Variants in DCC observed in about 807,000 individuals in gnomAD.
DCC encodes DCC netrin 1 receptor, also known as netrin receptor DCC.
DCC carries 58 observed loss-of-function variants against 172.5 expected under a neutral mutation model. The observed-to-expected ratio is 0.34, with a 90% CI of 0.27 to 0.42. The LOEUF is 0.42. Among genes scored for constraint, DCC ranks in the 10% least tolerant of loss-of-function variants. The probability of loss-of-function intolerance (pLI) is 1.00; values close to 1 mark genes in which losing one functional copy is unlikely to be tolerated. For missense variants in DCC, 1,740 were observed against 1,791.0 expected, an observed-to-expected ratio of 0.97 and a Z score of 0.51; for synonymous variants, 709 against 644.5, an observed-to-expected ratio of 1.10 and a Z score of -1.52.
rs1220770558 is a variant in DCC at position 53,099,952 on chromosome 18, TTTTTTTTTG to T, written c.1261+33790_1261+33798del. ...TTTCTTTTCTTTCTTTCTTTTTTTTTTTTTTTTTGTTTGAGACAGAGTCTTGCTTTGTTG... is the reference window on the plus strand; with the variant it reads ...TTTCTTTTCTTTCTTTCTTTTTTTTTTTTGAGACAGAGTCTTGCTTTGTTG... On this transcript the variant is annotated intron_variant, in intron 7 of 28. Transcript: ENST00000442544. 1.2e-4 allele frequency among the ~76,000 whole-genome samples: 15 copies of T among 129,520 alleles called. 1 individual carries two copies. The highest frequency in any genetic ancestry group is 4.6e-4 in the African/African-American group (14 of 30,658). The allele number at this position is 129,520 out of a possible 152,430, so 85.0% of individuals were successfully genotyped here. A position where few individuals can be genotyped will look rare whatever the true frequency, so the allele number is the denominator to read the frequency against.
intron 1 of DCC, among the ~76,000 whole-genome samples, chr18:52,485,930 G>T (rs960878353): frequency 2.6e-5 from 4 of 151,846 alleles, no homozygotes; most frequent in Non-Finnish European, 5.9e-5. Flanking sequence ...GATAAAAAAA[G>T]CATGCAGAAA....
chr18:53,318,820 C>T (rs891744096), intron 13 of DCC, among the ~76,000 whole-genome samples: 9 of 149,098 alleles, frequency 6.0e-5, no homozygotes, highest in Non-Finnish European at 1.2e-4. Context: ...TCAGATTCAC[C>T]AAGGTTAAAA....
rs372720186 is a variant in DCC at position 52,413,818 on chromosome 18, G to A, written c.91+72940G>A. Among the ~76,000 whole-genome samples, 49 of 151,988 alleles carry A rather than the reference G, an allele frequency of 3.2e-4. No homozygotes were observed. In the East Asian group the frequency reaches 6.0e-3, roughly 19 times the overall value. Reference sequence around the variant, plus strand: ...TCTGAGAGAAATGTTTGTGAGTTTCGGTGTCTTTTCTCTTTAGAAAAATAC... The same window carrying A: ...TCTGAGAGAAATGTTTGTGAGTTTCAGTGTCTTTTCTCTTTAGAAAAATAC... On this transcript the variant is annotated intron_variant, in intron 1 of 28. Transcript: ENST00000442544.
At position 53,499,339 on chromosome 18, in the gene DCC, C is replaced by T. The variant is rs2046067145; in HGVS notation, c.3940C>T (p.Pro1314Ser). ...GPTTQQPPML[P>S]PSQPEHSSSE... ...AACTACCCAACAACCACCTATGCTG[C>T]CCCCATCTCAGCCTGAGCATTCTAG... The change falls in exon 27 of 29, where the codon CCC becomes TCC. Residue 1314 changes from proline (P) to serine (S), a missense_variant. Physicochemically the swap from Pro to Ser is moderately conservative, Grantham distance 74 (BLOSUM62 -1). This residue lies in a region of DCC where 1,732 missense variants were observed against 1,767.4 expected (regional missense o/e 0.98). Coordinates refer to ENST00000442544, the MANE Select transcript of DCC (RefSeq NM_005215.4). The T allele has an allele frequency of 6.2e-7, 1 of 1,614,050 alleles. No homozygotes were observed. The highest frequency in any genetic ancestry group is 8.5e-7 in the Non-Finnish European group (1 of 1,180,008).
chr18:53,297,582 C>T (rs573177173), intron 12 of DCC, among the ~76,000 whole-genome samples: 5 of 152,200 alleles, frequency 3.3e-5, no homozygotes, highest in Admixed American at 3.3e-4. Flanking sequence ...AAAATCATTG[C>T]CAGGGTTGCC....
chr18:52,658,905 A>G (rs908617169), intron 1 of DCC, among the ~76,000 whole-genome samples: 1 of 149,674 alleles, frequency 6.7e-6, no homozygotes, highest in South Asian at 2.1e-4. Flanking sequence ...CTTTGATCCC[A>G]ATGGAAGTTA....
At chr18:53,192,151 C>T (rs1169211299) in intron 9 of DCC, among the ~76,000 whole-genome samples, 2 of 152,158 alleles carry the variant, frequency 1.3e-5, no homozygotes, top group African/African-American at 2.4e-5. Flanking sequence ...GTTTTCTGCC[C>T]TGTGTGATTA....
intron 1 of DCC, among the ~76,000 whole-genome samples, chr18:52,568,123 A>G (rs2033205487): frequency 6.6e-6 from 1 of 152,188 alleles, no homozygotes; most frequent in Non-Finnish European, 1.5e-5. Flanking sequence ...GTCTCACTGT[A>G]TAGTTTTTCT....
At chr18:52,697,993 T>C (rs2036041603) in intron 1 of DCC, among the ~76,000 whole-genome samples, 1 of 152,224 alleles carries the variant, frequency 6.6e-6, no homozygotes, top group African/African-American at 2.4e-5. Context: ...TACTCAGCTC[T>C]GTGAAACTGA....
At chr18:53,407,192 T>G (rs1251072242) in intron 19 of DCC, among the ~76,000 whole-genome samples, 7 of 152,078 alleles carry the variant, frequency 4.6e-5, no homozygotes, top group Non-Finnish European at 4.4e-5. Flanking sequence ...GGGGGCAAAA[T>G]TCTCCAATTT....
At chr18:52,840,758 A>G (rs1343331550) in intron 2 of DCC, among the ~76,000 whole-genome samples, 1 of 152,204 alleles carries the variant, frequency 6.6e-6, no homozygotes, top group Non-Finnish European at 1.5e-5. Flanking sequence ...TCTTATTTAA[A>G]CCATGAACAT....
intron 14 of DCC, among the ~76,000 whole-genome samples, chr18:53,323,632 GTGGATGGA>G (rs964849139): frequency 2.6e-5 from 4 of 152,106 alleles, no homozygotes; most frequent in South Asian, 4.2e-4. Flanking sequence ...CTTAGGATGG[GTGGATGGA>G]TGGATGGATG....
At chr18:53,093,091 G>A (rs2043037246) in intron 7 of DCC, among the ~76,000 whole-genome samples, 1 of 152,112 alleles carries the variant, frequency 6.6e-6, no homozygotes, top group African/African-American at 2.4e-5. Context: ...AGGCCAGCCT[G>A]GCCAACATGG....
chr18:52,625,897 G>A (rs1278243251), intron 1 of DCC, among the ~76,000 whole-genome samples: 1 of 152,054 alleles, frequency 6.6e-6, no homozygotes, highest in East Asian at 1.9e-4. Flanking sequence ...TTTCTTTGGT[G>A]CTTCCCTCCT....
intron 1 of DCC, among the ~76,000 whole-genome samples, chr18:52,468,167 G>T (rs1988842031): frequency 6.6e-6 from 1 of 152,310 alleles, no homozygotes. Flanking sequence ...GCAGCTCGTA[G>T]TCTAGTGGTA....
At chr18:52,423,136 T>C (rs1457924825) in intron 1 of DCC, among the ~76,000 whole-genome samples, 2 of 152,180 alleles carry the variant, frequency 1.3e-5, no homozygotes, top group Admixed American at 1.3e-4. Context: ...TCATGCTCTG[T>C]ATTAAAGCCT....
intron 17 of DCC, 78 bp downstream of exon 17, chr18:53,391,965 C>A: frequency 1.2e-6 from 1 of 840,910 alleles, no homozygotes; most frequent in Non-Finnish European, 2.0e-6. Flanking sequence ...CTCTCCTGGA[C>A]TGTCATGAGT....
chr18:52,564,369 G>A (rs903506513), intron 1 of DCC, among the ~76,000 whole-genome samples: 6 of 152,092 alleles, frequency 3.9e-5, no homozygotes, highest in Non-Finnish European at 8.8e-5. Flanking sequence ...TTTGTTAAAT[G>A]TGTGGTCCTC....
chr18:52,711,020 C>T (rs1430451024), intron 1 of DCC, among the ~76,000 whole-genome samples: 1 of 152,022 alleles, frequency 6.6e-6, no homozygotes, highest in African/African-American at 2.4e-5. Context: ...CTTTGGTTTC[C>T]AAAACAATAA....
Sources: gnomAD v4.1 joint callset for allele counts (sites outside exome capture counted in the v4.1 genomes callset) on GRCh38, gnomAD v4.1.1 for gene constraint, gnomAD v4.1.1 regional missense constraint, MANE v1.5 for transcripts, NCBI Gene and HGNC (gene_info 2026-07-23, HGNC 2026-07-21) for gene names.